FHIT: variants seen among roughly 807,000 people sequenced by gnomAD.
FHIT encodes the protein fragile histidine triad diadenosine triphosphatase, also known as bis(5'-adenosyl)-triphosphatase.
A neutral mutation model predicts 17.9 loss-of-function variants in FHIT; 19 were observed. The ratio of observed to expected loss-of-function variants is 1.06; its 90% confidence interval spans 0.74 to 1.56. The LOEUF (loss-of-function observed/expected upper bound fraction) is 1.56, where lower values mean the gene tolerates loss of function less well. Among genes scored for constraint, FHIT ranks in the 40% most tolerant of loss-of-function variants. The pLI is 0.00. For missense variants in FHIT, 248 were observed against 189.2 expected (o/e 1.31, Z -1.82); for synonymous variants, 81 against 69.7 (o/e 1.16, Z -0.81).
intron 5 of FHIT, among the ~76,000 whole-genome samples, chr3:60,098,470 T>C (rs1325886495): frequency 2.0e-5 from 3 of 151,944 alleles, no homozygotes; most frequent in South Asian, 4.2e-4. Flanking sequence ...TGGCCAGTGA[T>C]GATGAGCATT....
At chr3:61,192,525 A>C (rs2107214331) in intron 2 of FHIT, among the ~76,000 whole-genome samples, 1 of 152,340 alleles carries the variant, frequency 6.6e-6, no homozygotes, top group Middle Eastern at 3.4e-3. Context: ...TCCCTGGGGC[A>C]GCAGGTAGAC....
chr3:60,276,123 G>C (rs1443511995), intron 5 of FHIT, among the ~76,000 whole-genome samples: 1 of 151,968 alleles, frequency 6.6e-6, no homozygotes, highest in Non-Finnish European at 1.5e-5. Flanking sequence ...GAGTAGCCGG[G>C]ACTATAGATA....
chr3:61,181,197 G>A (rs1374348750), intron 2 of FHIT, among the ~76,000 whole-genome samples: 2 of 152,016 alleles, frequency 1.3e-5, no homozygotes, highest in Non-Finnish European at 2.9e-5. Flanking sequence ...CTCCCAAACT[G>A]GATAAAATCC....
chr3:60,427,038 T>G (rs1225349816), intron 5 of FHIT, among the ~76,000 whole-genome samples: 1 of 152,124 alleles, frequency 6.6e-6, no homozygotes, highest in African/African-American at 2.4e-5. Context: ...GACTTTGAGT[T>G]AATCAAAAGG....
rs140207469 is a variant in FHIT, at chr3:60,352,383, T to G, written c.103+184477A>C. 2.2e-3 allele frequency among the ~76,000 whole-genome samples: 340 copies of G among 152,250 alleles called. 1 individual carries two copies. The highest frequency in any genetic ancestry group is 3.6e-3 in the Non-Finnish European group (247 of 68,010). ...CAACACATGTTAAAATTGAAAGAAA[T>G]ATCACAGGTACTCACTATACCCAGA... On this transcript the variant is annotated intron_variant, in intron 5 of 9. Coordinates refer to ENST00000492590, the MANE Select transcript of FHIT (RefSeq NM_002012.4).
At chr3:59,834,652 C>CT (rs1033348206) in intron 8 of FHIT, among the ~76,000 whole-genome samples, 2 of 152,116 alleles carry the variant, frequency 1.3e-5, no homozygotes, top group African/African-American at 4.8e-5. Context: ...CTGACATCTT[C>CT]TTATAAGGGC....
At chr3:60,074,284 C>A (rs986221056) in intron 5 of FHIT, among the ~76,000 whole-genome samples, 1 of 151,942 alleles carries the variant, frequency 6.6e-6, no homozygotes, top group African/African-American at 2.4e-5. Flanking sequence ...AATGTTAAAC[C>A]TTTGTTCACT....
intron 8 of FHIT, among the ~76,000 whole-genome samples, chr3:59,895,129 A>G (rs1704014170): frequency 6.6e-6 from 1 of 152,210 alleles, no homozygotes; most frequent in African/African-American, 2.4e-5. Flanking sequence ...TGAATGCTAC[A>G]AAACATCTCA....
intron 7 of FHIT, among the ~76,000 whole-genome samples, chr3:59,963,855 C>A (rs963169609): frequency 2.6e-5 from 4 of 152,124 alleles, no homozygotes; most frequent in African/African-American, 9.7e-5. Flanking sequence ...ACATAGGCAG[C>A]AAATTAACAG....
chr3:59,854,737 A>C (rs1702082552), intron 8 of FHIT, among the ~76,000 whole-genome samples: 1 of 152,210 alleles, frequency 6.6e-6, no homozygotes. Context: ...GAGGTCCAGG[A>C]AACTCTAGAG....
chr3:60,947,994 T>C (rs1708710827), intron 3 of FHIT, among the ~76,000 whole-genome samples: 1 of 152,142 alleles, frequency 6.6e-6, no homozygotes, highest in Admixed American at 6.5e-5. Flanking sequence ...GAGTTCCTAG[T>C]TTAATAAACC....
chr3:61,102,004 G>A (rs190079601), intron 2 of FHIT, among the ~76,000 whole-genome samples: 1 of 152,130 alleles, frequency 6.6e-6, no homozygotes, highest in East Asian at 1.9e-4. Flanking sequence ...CTGCAAACAG[G>A]GACAACTGGA....
intron 4 of FHIT, among the ~76,000 whole-genome samples, chr3:60,758,394 G>A (rs1262799548): frequency 6.6e-6 from 1 of 152,202 alleles, no homozygotes; most frequent in Non-Finnish European, 1.5e-5. Flanking sequence ...GGGGCTGACT[G>A]ATACAGGAAG....
intron 5 of FHIT, among the ~76,000 whole-genome samples, chr3:60,126,062 G>A (rs1705534156): frequency 6.6e-6 from 1 of 152,104 alleles, no homozygotes; most frequent in Non-Finnish European, 1.5e-5. Context: ...GCCAGTGAGG[G>A]CTTCATAAGG....
chr3:60,918,616 G>A (rs1553767593), intron 3 of FHIT, among the ~76,000 whole-genome samples: 1 of 152,160 alleles, frequency 6.6e-6, no homozygotes, highest in African/African-American at 2.4e-5. Context: ...GAGAAGATCT[G>A]GGAAAGGAAA....
chr3:60,470,351 C>T (rs941268663), intron 5 of FHIT, among the ~76,000 whole-genome samples: 3 of 152,002 alleles, frequency 2.0e-5, no homozygotes, highest in African/African-American at 4.8e-5. Context: ...CTGGGAGTCA[C>T]GGCCTGGAGT....
intron 8 of FHIT, among the ~76,000 whole-genome samples, chr3:59,898,241 T>C (rs764357905): frequency 2.0e-5 from 3 of 152,222 alleles, no homozygotes. Flanking sequence ...ATATAAGACA[T>C]AAACAAATTT....
At position 60,577,694 on chromosome 3, in the gene FHIT, G is replaced by A. The variant is rs76138421; in HGVS notation, c.-17-40715C>T. Among the ~76,000 whole-genome samples, 55 of 152,184 alleles carry A rather than the reference G, an allele frequency of 3.6e-4. No individual in the cohort carries two copies. The East Asian group carries it at 0.011, about 30-fold the overall frequency. On this transcript the variant is annotated intron_variant, in intron 4 of 9. Transcript: ENST00000492590. The stretch of plus-strand genomic sequence containing the variant: ...CCTGATTACTGAAATTTGGTTGGAA[G>A]TCTTTTTTATTTCTATTAAATGAAT...
intron 1 of FHIT, among the ~76,000 whole-genome samples, chr3:61,208,649 T>A (rs1342120708): frequency 1.3e-5 from 2 of 152,092 alleles, no homozygotes; most frequent in Admixed American, 6.6e-5. Flanking sequence ...CTGCCTTTTT[T>A]TTTGTTTTCC....
Sources: allele counts gnomAD v4.1 joint callset (sites outside exome capture counted in the v4.1 genomes callset), GRCh38; gene constraint gnomAD v4.1.1; transcripts MANE v1.5; gene names NCBI Gene and HGNC (gene_info 2026-07-23, HGNC 2026-07-21).